Variants in PTPRD observed in about 807,000 individuals in gnomAD.
The protein encoded by PTPRD is receptor-type tyrosine-protein phosphatase delta.
A neutral mutation model predicts 214.5 loss-of-function variants in PTPRD; 34 were observed. The observed-to-expected ratio is 0.16, with a 90% CI of 0.12 to 0.21. PTPRD has a LOEUF of 0.21. Among genes scored for constraint, PTPRD ranks in the 10% least tolerant of loss-of-function variants. The pLI, the probability that PTPRD is intolerant of heterozygous loss-of-function variation, is 1.00. For missense variants in PTPRD, 2,545 were observed against 2,398.7 expected (o/e 1.06, Z -1.27); for synonymous variants, 1,128 against 845.7 (o/e 1.33, Z -5.79).
chr9:8,796,427 T>G (rs2096424937), intron 11 of PTPRD, among the ~76,000 whole-genome samples: 1 of 152,178 alleles, frequency 6.6e-6, no homozygotes, highest in Non-Finnish European at 1.5e-5. Flanking sequence ...ATGGTCCCAC[T>G]AAATTACAAT....
chr9:9,829,568 T>C (rs1352997957), intron 5 of PTPRD, among the ~76,000 whole-genome samples: 1 of 151,884 alleles, frequency 6.6e-6, no homozygotes, highest in East Asian at 1.9e-4. Flanking sequence ...TATTTGGCAG[T>C]ATGTTACCTA....
rs200447165 is a variant in PTPRD at position 8,704,898 on chromosome 9, G to A, written c.64+28882C>T. 5.9e-5 allele frequency among the ~76,000 whole-genome samples: 9 copies of A among 151,818 alleles called. No individual in the cohort carries two copies. In the East Asian group the frequency reaches 9.7e-4, roughly 16 times the overall value. On this transcript the variant is annotated intron_variant, in intron 12 of 45. Coordinates refer to ENST00000381196, the MANE Select transcript of PTPRD (RefSeq NM_002839.4). The stretch of plus-strand genomic sequence containing the variant: ...AGATCATGCCATTGCACTCTAGCCC[G>A]GGCGATAGAGCAAGACTCCTTAAAA...
At chr9:8,667,241 A>T (rs970998212) in intron 12 of PTPRD, among the ~76,000 whole-genome samples, 3 of 152,228 alleles carry the variant, frequency 2.0e-5, no homozygotes, top group African/African-American at 7.2e-5. Context: ...TGGGAGGCTG[A>T]GGCAGGAGTA....
In PTPRD at chr9:8,486,231, G is replaced by C. The variant is rs2097003801; in HGVS notation, c.2586C>G (p.Arg862=). The C allele has an allele frequency of 1.2e-6, 2 of 1,614,028 alleles. No individual in the cohort carries two copies. Among genetic ancestry groups the C allele is most frequent in the African/African-American group, 1.3e-5 (1 of 74,900 alleles). Residue 862 remains arginine, a synonymous_variant, in exon 28 of 46, where the codon CGC becomes CGG. Coordinates refer to ENST00000381196, the MANE Select transcript of PTPRD (RefSeq NM_002839.4). ...PLQGYRLKFG[R]KDMEPLTTLE... is the part of the protein sequence containing the mutation. ...GAGTAGTAAGTGGCTCCATATCCTT[G>C]CGGCCAAATTTTAGACGGTAGCCCT...
chr9:10,183,852 G>T (rs539890623), intron 3 of PTPRD, among the ~76,000 whole-genome samples: 5 of 152,164 alleles, frequency 3.3e-5, no homozygotes, highest in African/African-American at 1.2e-4. Context: ...ATATTAAAAA[G>T]TAAAGACAGA....
intron 2 of PTPRD, among the ~76,000 whole-genome samples, chr9:10,537,386 G>C (rs1296290639): frequency 6.6e-6 from 1 of 152,076 alleles, no homozygotes; most frequent in East Asian, 1.9e-4. Flanking sequence ...TCTTGAACTT[G>C]TTTTTGCTGC....
At chr9:10,333,999 T>C (rs2154435951) in intron 3 of PTPRD, among the ~76,000 whole-genome samples, 1 of 151,906 alleles carries the variant, frequency 6.6e-6, no homozygotes, top group African/African-American at 2.4e-5. Context: ...TTTTTCTTCT[T>C]AACATAAAAA....
intron 11 of PTPRD, among the ~76,000 whole-genome samples, chr9:8,745,694 T>A (rs2092715706): frequency 6.6e-6 from 1 of 152,240 alleles, no homozygotes; most frequent in African/African-American, 2.4e-5. Context: ...CTCACGTTTG[T>A]AATTGAACGA....
intron 11 of PTPRD, among the ~76,000 whole-genome samples, chr9:8,934,463 AAAT>A (rs1567099035): frequency 2.7e-3 from 31 of 11,652 alleles, no homozygotes; most frequent in African/African-American, 0.012. Flanking sequence ...ATATATATAT[AAAT>A]ATATATATAT....
At chr9:8,872,645 G>A (rs144628458) in intron 11 of PTPRD, among the ~76,000 whole-genome samples, 30 of 152,326 alleles carry the variant, frequency 2.0e-4, no homozygotes, top group African/African-American at 7.2e-4. Context: ...CTACATTTAT[G>A]TAAATCTGGT....
Position 10,439,222 on chromosome 9 carries a change from C to T in PTPRD, c.-599-98205G>A, listed in dbSNP as rs1193695377. On this transcript the variant is annotated intron_variant, in intron 2 of 45. Transcript: ENST00000381196. The stretch of plus-strand genomic sequence containing the variant: ...AGACTCCGGCATGTTTTGTGTCACT[C>T]ACGCGTTTGAGAGTACTTCCCCTGA... Among the ~76,000 whole-genome samples the T allele has an allele frequency of 2.0e-5, 3 of 148,908 alleles. No individual in the cohort carries two copies. The Admixed American group carries it at 2.0e-4, about 10-fold the overall frequency.
intron 11 of PTPRD, among the ~76,000 whole-genome samples, chr9:8,887,638 G>A (rs565848702): frequency 6.6e-5 from 10 of 152,174 alleles, no homozygotes; most frequent in African/African-American, 2.2e-4. Flanking sequence ...TAAAGCTCTT[G>A]AAGTTTTGTT....
intron 3 of PTPRD, among the ~76,000 whole-genome samples, chr9:10,074,417 A>G (rs2098094515): frequency 6.6e-6 from 1 of 152,092 alleles, no homozygotes; most frequent in Admixed American, 6.6e-5. Flanking sequence ...ATCATGCATC[A>G]ATGTACTCAG....
chr9:9,239,831 G>C (rs2099969468), intron 9 of PTPRD, among the ~76,000 whole-genome samples: 1 of 152,156 alleles, frequency 6.6e-6, no homozygotes, highest in African/African-American at 2.4e-5. Context: ...CCTTTGGCTT[G>C]TGCTCTATCC....
chr9:10,519,057 T>C (rs1279644406), intron 2 of PTPRD, among the ~76,000 whole-genome samples: 1 of 151,876 alleles, frequency 6.6e-6, no homozygotes, highest in Non-Finnish European at 1.5e-5. Flanking sequence ...AGCTTTCTGA[T>C]ACTACAAATC....
intron 11 of PTPRD, among the ~76,000 whole-genome samples, chr9:8,827,628 T>G (rs1036734121): frequency 6.6e-6 from 1 of 151,962 alleles, no homozygotes; most frequent in African/African-American, 2.4e-5. Context: ...AAAAATTAGG[T>G]TTTTGCCACA....
intron 3 of PTPRD, among the ~76,000 whole-genome samples, chr9:10,223,141 C>A (rs1564622909): frequency 6.6e-6 from 1 of 151,912 alleles, no homozygotes. Flanking sequence ...TTCTTTTCCT[C>A]ATGCATTTTC....
intron 8 of PTPRD, among the ~76,000 whole-genome samples, chr9:9,523,152 T>A (rs28668036): frequency 6.6e-5 from 10 of 152,274 alleles, no homozygotes; most frequent in South Asian, 2.1e-4. Context: ...TTATAATTTT[T>A]AAAAAAATGC....
chr9:9,626,249 G>A (rs2095422394), intron 7 of PTPRD, among the ~76,000 whole-genome samples: 1 of 152,180 alleles, frequency 6.6e-6, no homozygotes, highest in Admixed American at 6.5e-5. Context: ...ATCTGCCGGT[G>A]GTAGTGCAGT....
Sources: allele counts gnomAD v4.1 joint callset (sites outside exome capture counted in the v4.1 genomes callset), GRCh38; gene constraint gnomAD v4.1.1; transcripts MANE v1.5; gene names NCBI Gene and HGNC (gene_info 2026-07-23, HGNC 2026-07-21).